ATG9B: variants seen among roughly 807,000 people sequenced by gnomAD.
The protein encoded by ATG9B is autophagy-related protein 9B.
In ATG9B, 92 loss-of-function variants were observed where a neutral mutation model predicts 92.9. The observed-to-expected ratio is 0.99, with a 90% CI of 0.84 to 1.18. ATG9B has a LOEUF of 1.18. Among genes scored for constraint, ATG9B ranks in the 50% most tolerant of loss-of-function variants. The pLI, the probability that ATG9B is intolerant of heterozygous loss-of-function variation, is 0.00. For synonymous variants in ATG9B, 599 were observed against 551.4 expected (o/e 1.09, Z -1.21); for missense variants, 1,344 against 1,235.0 (o/e 1.09, Z -1.32).
downstream of ATG9B, chr7:151,014,251 C>T (rs529527080): frequency 7.9e-6 from 11 of 1,389,486 alleles, no homozygotes; most frequent in South Asian, 9.3e-5. Flanking sequence ...CCCCGCTCCT[C>T]CCCTCTTGAG....
chr7:151,015,111 C>T (rs1795426798), downstream of ATG9B: 1 of 152,218 alleles, frequency 6.6e-6, no homozygotes, highest in Non-Finnish European at 1.5e-5. Context: ...CACTCAGCTG[C>T]CAGGAGTGGG....
chr7:151,013,439 G>C (rs1266266630), downstream of ATG9B: 10 of 1,546,080 alleles, frequency 6.5e-6, no homozygotes, highest in African/African-American at 9.5e-5. Context: ...GAGGACTCGC[G>C]CTCTCCAGCG....
At chr7:151,016,277 G>A (rs1466785141) in intron 11 of ATG9B, 42 bp from the exon 12 acceptor site, 7 of 1,475,306 alleles carry the variant, frequency 4.7e-6, no homozygotes, top group Non-Finnish European at 6.3e-6. Flanking sequence ...ACCCCAAGGA[G>A]GGCAGGGCCA....
chr7:151,013,719 C>T, downstream of ATG9B: 1 of 1,593,898 alleles, frequency 6.3e-7, no homozygotes, highest in Non-Finnish European at 8.5e-7. Flanking sequence ...CCCGCCGCCC[C>T]GCAGACCTAC....
Position 151,018,093 on chromosome 7 carries a change from CCCA to C in ATG9B, c.1873-46_1873-44del. 6.5e-7 allele frequency: 1 copy of C among 1,532,376 alleles called. No individual in the cohort carries two copies. Among genetic ancestry groups the C allele is most frequent in the Non-Finnish European group, 8.8e-7 (1 of 1,138,652 alleles). The allele number at this position is 1,532,376 out of a possible 1,614,324, so 94.9% of individuals were successfully genotyped here. ...AGGCTGAGCAGGGGTCGCTGAGGGGCCCACGCGCGTTATCAGGACCAAGCAGTC... is the reference window on the plus strand; with the variant it reads ...AGGCTGAGCAGGGGTCGCTGAGGGGCCGCGCGTTATCAGGACCAAGCAGTC... On this transcript the variant is annotated intron_variant, in intron 7 of 13. Transcript: ENST00000639579. This position sits in a 1 kb window ranked among gnomAD's most constrained non-coding sequence, Gnocchi z 4.7.
At position 151,018,920 on chromosome 7, in the gene ATG9B, G is replaced by T; in HGVS notation, c.1418C>A (p.Pro473His). ...YSHVELLRRE[P>H]GALGARGWSR... ...CCAGCCGCGCGCCCCCAGCGCGCCA[G>T]GCTCGCGCCGCAGCAGCTCCACGTG... Residue 473 changes from proline (P) to histidine (H), a missense_variant, in exon 6 of 14, where the codon CCT becomes CAT. Transcript: ENST00000639579. This position sits in a 1 kb window ranked among gnomAD's most constrained non-coding sequence, Gnocchi z 4.7. 1 of 1,518,264 alleles carries T rather than the reference G, an allele frequency of 6.6e-7. No individual in the cohort carries two copies. Among genetic ancestry groups the T allele is most frequent in the Non-Finnish European group, 8.8e-7 (1 of 1,141,664 alleles). 94.0% of individuals were successfully genotyped at this position (1,518,264 alleles called of 1,614,324 possible).
intron 4 of ATG9B, 122 bp downstream of exon 4, chr7:151,022,923 G>C (rs1795804096): frequency 1.6e-6 from 2 of 1,287,514 alleles, no homozygotes; most frequent in Admixed American, 4.2e-5. Context: ...TGTATTTTTG[G>C]TCCTAAGACC....
chr7:151,016,572 G>C (rs3918222), intron 10 of ATG9B, 45 bp from the exon 11 acceptor site: 1 of 1,544,016 alleles, frequency 6.5e-7, no homozygotes, highest in East Asian at 2.5e-5. Context: ...CCCTCCTCCC[G>C]CCACACCCCA....
downstream of ATG9B, chr7:151,012,872 G>T: frequency 2.9e-6 from 1 of 347,128 alleles, no homozygotes; most frequent in South Asian, 4.5e-5. Flanking sequence ...ATCAAAAGAA[G>T]AGGGCTGTGA....
rs1242399577 is a variant in ATG9B at position 151,017,077 on chromosome 7, G to A, written c.2248C>T (p.Pro750Ser). The A allele has an allele frequency of 6.2e-7, 1 of 1,607,222 alleles. No homozygotes were observed. Among genetic ancestry groups the A allele is most frequent in the Non-Finnish European group, 8.5e-7 (1 of 1,177,578 alleles). ...TTGCTGAGCACCCCCGGGGTGGAGG[G>A]GCCGCGAGCCGAGGTGGCACCCCAG... is the stretch of plus-strand genomic sequence containing the variant. ...AAWGATSARG[P>S]STPGVLSNCT... is the part of the protein sequence containing the mutation. Residue 750 changes from proline to serine, a missense_variant, in exon 9 of 14, where the codon CCC becomes TCC. Pro to Ser is a moderately conservative substitution (Grantham distance 74). Coordinates refer to ENST00000639579, the MANE Select transcript of ATG9B (RefSeq NM_001317056.2).
Position 151,024,409 on chromosome 7 carries a change from C to T in ATG9B, c.15G>A (p.Met5Ile). The T allele has an allele frequency of 7.3e-7, 1 of 1,368,946 alleles. No homozygotes were observed. The highest frequency in any genetic ancestry group is 2.2e-5 in the South Asian group (1 of 45,790). 84.8% of individuals were successfully genotyped at this position (1,368,946 alleles called of 1,614,324 possible). MVSR[M>I]GWGGRRRRLG... ...GCCGCCTTCTTCTCCCCCCCCAGCCCATTCGGCTCACCATCAGGCCACGGC... is the reference window on the plus strand; with the variant it reads ...GCCGCCTTCTTCTCCCCCCCCAGCCTATTCGGCTCACCATCAGGCCACGGC... Residue 5 changes from methionine to isoleucine, a missense_variant, in exon 1 of 14, where the codon ATG becomes ATA. Transcript: ENST00000639579.
downstream of ATG9B, chr7:151,012,590 A>C: frequency 5.4e-6 from 7 of 1,302,546 alleles, no homozygotes; most frequent in South Asian, 1.0e-4. Context: ...CACAAAGCTG[A>C]AAAGACGCTC....
Position 151,018,905 on chromosome 7 carries a change from G to C in ATG9B, c.1433C>G (p.Ala478Gly). The C allele has an allele frequency of 1.4e-6, 2 of 1,476,278 alleles. No individual in the cohort carries two copies. Among genetic ancestry groups the C allele is most frequent in the Non-Finnish European group, 1.8e-6 (2 of 1,122,536 alleles). The allele number at this position is 1,476,278 out of a possible 1,614,324, so 91.4% of individuals were successfully genotyped here. A position where few individuals can be genotyped will look rare whatever the true frequency, so the allele number is the denominator to read the frequency against. Residue 478 changes from alanine to glycine, a missense_variant, in exon 6 of 14, where the codon GCG becomes GGG. By Grantham distance (60) the Ala-to-Gly change is moderately conservative. Coordinates refer to ENST00000639579, the MANE Select transcript of ATG9B (RefSeq NM_001317056.2). This position sits in a 1 kb window ranked among gnomAD's most constrained non-coding sequence, Gnocchi z 4.7. ...GCGCGCCAGGCGGGACCAGCCGCGC[G>C]CCCCCAGCGCGCCAGGCTCGCGCCG... The part of the protein sequence containing the change: ...LLRREPGALG[A>G]RGWSRLARLQ...
intron 11 of ATG9B, 62 bp downstream of exon 11, chr7:151,016,369 A>C (rs1317364899): frequency 6.5e-7 from 1 of 1,526,814 alleles, no homozygotes; most frequent in African/African-American, 1.4e-5. Flanking sequence ...ACCCCACCTC[A>C]GTCTCCATGT....
chr7:151,013,945 C>A, downstream of ATG9B: 1 of 1,601,044 alleles, frequency 6.2e-7, no homozygotes, highest in South Asian at 1.1e-5. Context: ...CGGGCCTGAG[C>A]GTGCGGGGTT....
rs1449223387 is a variant in ATG9B, at chr7:151,024,271, G to A, written c.153C>T (p.Phe51=). 2.8e-6 allele frequency: 4 copies of A among 1,447,736 alleles called. No individual in the cohort carries two copies. Among genetic ancestry groups the A allele is most frequent in the African/African-American group, 1.4e-5 (1 of 69,976 alleles). The allele number at this position is 1,447,736 out of a possible 1,614,324, so 89.7% of individuals were successfully genotyped here. ...TTGTATGAGGGGCAGGGGACAGAGA[G>A]AAGATGGAGATCCTCCCTCCCCCAG... is the stretch of plus-strand genomic sequence containing the variant. ...RGPGGGRISI[F]SLSPAPHTRS... Residue 51 remains phenylalanine, a synonymous_variant, in exon 1 of 14, where the codon TTC becomes TTT. Transcript: ENST00000639579.
In ATG9B at chr7:151,016,751, G is replaced by T. The variant is rs1360836552; in HGVS notation, c.2360C>A (p.Pro787His). 3 of 1,612,988 alleles carry T rather than the reference G, an allele frequency of 1.9e-6. No homozygotes were observed. The highest frequency in any genetic ancestry group is 1.3e-5 in the African/African-American group (1 of 74,994). Residue 787 changes from proline (P) to histidine (H), a missense_variant, in exon 10 of 14, where the codon CCC becomes CAC. Transcript: ENST00000639579. ...LPPRDLSPTA[P>H]CPAAATASLL... ...GCTGGCTGTGGCCGCAGCTGGACAG[G>T]GGGCTGTCGGGCTCAGATCTCTCGG...
Position 151,018,295 on chromosome 7 carries a change from G to T in ATG9B, c.1871C>A (p.Ala624Glu). Residue 624 changes from alanine to glutamate, a missense_variant and splice_region_variant, in exon 7 of 14, where the codon GCG (alanine) becomes GAG (glutamate). Physicochemically the swap from Ala to Glu is moderately radical, Grantham distance 107. Coordinates refer to ENST00000639579, the MANE Select transcript of ATG9B (RefSeq NM_001317056.2). This position sits in a 1 kb window ranked among gnomAD's most constrained non-coding sequence, Gnocchi z 4.7. ...GCCCGCCGTCGCGCCCACCCTCACC[G>T]CTCGGTACTGCAGCAGCTGCGCCAT... is the stretch of plus-strand genomic sequence containing the variant. Reference protein sequence around the residue: ...RQMAQLLQYRAVSLLEELLSP... With the variant: ...RQMAQLLQYREVSLLEELLSP... The T allele has an allele frequency of 3.2e-6, 5 of 1,551,182 alleles. No individual in the cohort carries two copies. The South Asian group carries it at 3.7e-5, about 11-fold the overall frequency.
At chr7:151,014,373 C>A, downstream of ATG9B, 4 of 573,034 alleles carry the variant, frequency 7.0e-6, no homozygotes, top group Non-Finnish European at 1.2e-5. Flanking sequence ...GGCCTGGGTC[C>A]GCCTTAATCT....
Sources: gnomAD v4.1 joint callset for allele counts on GRCh38, gnomAD v4.1.1 for gene constraint, Gnocchi (gnomAD v3.1) non-coding constraint, MANE v1.5 for transcripts, NCBI Gene and HGNC (gene_info 2026-07-23, HGNC 2026-07-21) for gene names.